The following BRSK2 variants were observed in gnomAD, a reference collection of about 807,000 sequenced individuals.
The protein encoded by BRSK2 is serine/threonine-protein kinase BRSK2.
BRSK2 carries 19 observed loss-of-function variants against 83.3 expected under a neutral mutation model. The ratio of observed to expected loss-of-function variants is 0.23; its 90% CI spans 0.16 to 0.33. The LOEUF (loss-of-function observed/expected upper bound fraction) is 0.33, where lower values mean the gene tolerates loss of function less well. Ranked by LOEUF, BRSK2 falls within the 10% of genes least tolerant of loss-of-function variation. The pLI, the probability that BRSK2 is intolerant of heterozygous loss-of-function variation, is 1.00. For synonymous variants in BRSK2, 519 were observed against 435.4 expected, an observed-to-expected ratio of 1.19 and a Z score of -2.39; for missense variants, 798 against 1,042.3, an observed-to-expected ratio of 0.77 and a Z score of 3.23.
intron 18 of BRSK2, among the ~76,000 whole-genome samples, chr11:1,457,746 C>T (rs1333319391): frequency 6.6e-6 from 1 of 152,162 alleles, no homozygotes; most frequent in East Asian, 1.9e-4. Flanking sequence ...AAGAGGGCCC[C>T]ACTGCCCCTC....
intron 15 of BRSK2, among the ~76,000 whole-genome samples, chr11:1,452,418 T>C (rs996956970): frequency 2.6e-5 from 4 of 152,234 alleles, no homozygotes; most frequent in Admixed American, 2.0e-4. Context: ...GACATTGCCG[T>C]TTCTGCTGCT....
chr11:1,444,864 T>A, intron 8 of BRSK2, 107 bp from the exon 9 acceptor site: 2 of 979,476 alleles, frequency 2.0e-6, no homozygotes, highest in Non-Finnish European at 3.2e-6. Context: ...CCTCACCCTC[T>A]CCTGCTCTCT....
chr11:1,403,610 G>A (rs1206478378), intron 1 of BRSK2, among the ~76,000 whole-genome samples: 1 of 152,184 alleles, frequency 6.6e-6, no homozygotes, highest in Non-Finnish European at 1.5e-5. Flanking sequence ...ACCTCTGACG[G>A]TGTGTCCTGA....
chr11:1,394,302 C>A (rs1415027272), intron 1 of BRSK2, among the ~76,000 whole-genome samples: 1 of 121,530 alleles, frequency 8.2e-6, no homozygotes, highest in Non-Finnish European at 1.7e-5. Context: ...GGAGATGGGC[C>A]CCTGGAGATG....
chr11:1,436,636 T>C (rs1590518870), intron 2 of BRSK2, among the ~76,000 whole-genome samples: 1 of 151,852 alleles, frequency 6.6e-6, no homozygotes, highest in East Asian at 2.0e-4. Context: ...GACCCACCTC[T>C]CAGTGGGGAG....
Position 1,461,095 on chromosome 11 carries a change from G to GCCCCGTCCA in BRSK2, c.*378_*386dup, listed in dbSNP as rs1031043566. On this transcript the variant is annotated 3_prime_UTR_variant, in exon 20 of 20. Coordinates refer to ENST00000528841, the MANE Select transcript of BRSK2 (RefSeq NM_001256627.2). ...GCCGGGCAGTGAGGCCCAGCCCAGC[G>GCCCCGTCCA]CCCCGTCCACCCCGCGGCAGCTCCT... The GCCCCGTCCA allele has an allele frequency of 4.6e-6, 7 of 1,519,862 alleles. No homozygotes were observed. The African/African-American group carries it at 9.6e-5, about 21-fold the overall frequency. 94.1% of individuals were successfully genotyped at this position (1,519,862 alleles called of 1,614,324 possible).
chr11:1,428,143 G>A (rs11825971), intron 1 of BRSK2, among the ~76,000 whole-genome samples: 35,212 of 152,050 alleles, frequency 0.23, 4,307 homozygotes, highest in African/African-American at 0.27. Context: ...ATGCAGCTGG[G>A]GACGGCTCTC....
chr11:1,411,064 C>A (rs771255482), intron 1 of BRSK2: 1 of 1,112,556 alleles, frequency 9.0e-7, no homozygotes, highest in Non-Finnish European at 1.1e-6. Flanking sequence ...GGAGATTTGG[C>A]AGGAAGGAGG....
At chr11:1,458,576 CG>C (rs1479838227) in intron 18 of BRSK2, among the ~76,000 whole-genome samples, 1 of 152,146 alleles carries the variant, frequency 6.6e-6, no homozygotes, top group Non-Finnish European at 1.5e-5. Flanking sequence ...AGACTGCGGC[CG>C]AGGGAGGGGA....
At position 1,461,209 on chromosome 11, in the gene BRSK2, C is replaced by T. The variant is rs1011439144; in HGVS notation, c.*486C>T. The T allele has an allele frequency of 9.0e-6, 6 of 669,786 alleles. No homozygotes were observed. The highest frequency in any genetic ancestry group is 3.0e-5 in the East Asian group (1 of 33,228). The allele number at this position is 669,786 out of a possible 1,614,324, so 41.5% of individuals were successfully genotyped here. ...CCGACCCGGACTCCCGGTCACCTGACCCCTCAGCAAGAACAGCCTGCCTGG... is the reference window on the plus strand; with the variant it reads ...CCGACCCGGACTCCCGGTCACCTGATCCCTCAGCAAGAACAGCCTGCCTGG... On this transcript the variant is annotated 3_prime_UTR_variant, in exon 20 of 20. Coordinates refer to ENST00000528841, the MANE Select transcript of BRSK2 (RefSeq NM_001256627.2).
intron 12 of BRSK2, chr11:1,447,740 G>A (rs1852347404): frequency 2.0e-6 from 3 of 1,533,956 alleles, no homozygotes; most frequent in East Asian, 2.4e-5. Context: ...CCTGGGGGCC[G>A]ACCTGTGCCC....
intron 6 of BRSK2, 66 bp from the exon 7 acceptor site, chr11:1,443,269 C>A (rs1564851600): frequency 6.5e-7 from 1 of 1,537,808 alleles, no homozygotes. Flanking sequence ...TCCCTCTGAG[C>A]CCAGGCCCTC....
intron 1 of BRSK2, chr11:1,410,630 G>A: frequency 1.0e-6 from 1 of 985,438 alleles, no homozygotes; most frequent in Non-Finnish European, 1.2e-6. Context: ...CTGTGTCTTT[G>A]AGGGCTGGTC....
intron 1 of BRSK2, among the ~76,000 whole-genome samples, chr11:1,413,972 T>C (rs1847831482): frequency 6.6e-6 from 1 of 152,244 alleles, no homozygotes; most frequent in Non-Finnish European, 1.5e-5. Context: ...CGCCAGCCAC[T>C]TCCTCACACG....
intron 1 of BRSK2, among the ~76,000 whole-genome samples, chr11:1,405,831 G>C (rs1369263863): frequency 1.3e-5 from 2 of 152,116 alleles, no homozygotes; most frequent in Non-Finnish European, 2.9e-5. Context: ...CTGCGTGGCA[G>C]TGACCCCATC....
rs1190805085 is a variant in BRSK2 at position 1,449,330 on chromosome 11, A to G, written c.1227-446A>G. Among the ~76,000 whole-genome samples the G allele has an allele frequency of 2.6e-5, 4 of 152,180 alleles. No homozygotes were observed. In the East Asian group the frequency reaches 7.7e-4, roughly 29 times the overall value. ...ACCCAGGCATCCCTCACGGGCATCT[A>G]GGGACATGGAGGACCAGGCTGCAGG... On this transcript the variant is annotated intron_variant, in intron 12 of 19. Coordinates refer to ENST00000528841, the MANE Select transcript of BRSK2 (RefSeq NM_001256627.2).
In BRSK2 at chr11:1,398,962, TC is replaced by T. The variant is rs370566712; in HGVS notation, c.91+8589del. 2.3e-4 allele frequency among the ~76,000 whole-genome samples: 35 copies of T among 152,302 alleles called. No individual in the cohort carries two copies. In the East Asian group the frequency reaches 6.2e-3, roughly 27 times the overall value. On this transcript the variant is annotated intron_variant, in intron 1 of 19. Coordinates refer to ENST00000528841, the MANE Select transcript of BRSK2 (RefSeq NM_001256627.2). Reference sequence around the variant, plus strand: ...CACCCGCGGCCGTCCCTGGCTTTCGTCCTGCGCCGTCCTGGGTCTTTGGGTC... The same window carrying T: ...CACCCGCGGCCGTCCCTGGCTTTCGTCTGCGCCGTCCTGGGTCTTTGGGTC...
chr11:1,413,678 G>A (rs1212874017), intron 1 of BRSK2, among the ~76,000 whole-genome samples: 1 of 152,210 alleles, frequency 6.6e-6, no homozygotes, highest in African/African-American at 2.4e-5. Context: ...CACTGACCCT[G>A]ACAACACAGG....
chr11:1,457,317 C>A (rs1228477906), intron 18 of BRSK2, among the ~76,000 whole-genome samples: 5 of 152,206 alleles, frequency 3.3e-5, no homozygotes, highest in African/African-American at 1.2e-4. Context: ...TCTCTCCATA[C>A]TTCCTGACAG....
Sources: allele counts gnomAD v4.1 joint callset (sites outside exome capture counted in the v4.1 genomes callset), GRCh38; gene constraint gnomAD v4.1.1; transcripts MANE v1.5; gene names NCBI Gene and HGNC (gene_info 2026-07-23, HGNC 2026-07-21).